Variants in CCDC50 observed in about 807,000 individuals in gnomAD.
CCDC50 encodes the protein coiled-coil domain-containing protein 50.
A neutral mutation model predicts 70.2 loss-of-function variants in CCDC50; 54 were observed. The ratio of observed to expected loss-of-function variants is 0.77; its 90% CI spans 0.62 to 0.96. The LOEUF (loss-of-function observed/expected upper bound fraction) is 0.96, where lower values mean the gene tolerates loss of function less well. Among genes scored for constraint, CCDC50 ranks in the 50% least tolerant of loss-of-function variants. The probability of loss-of-function intolerance (pLI) is 0.00; values close to 1 mark genes in which losing one functional copy is unlikely to be tolerated. For missense variants in CCDC50, 558 were observed against 578.7 expected, an observed-to-expected ratio of 0.96 and a Z score of 0.37; for synonymous variants, 216 against 198.8, an observed-to-expected ratio of 1.09 and a Z score of -0.73.
At chr3:191,345,817 C>G (rs1452968817) in intron 1 of CCDC50, among the ~76,000 whole-genome samples, 1 of 152,120 alleles carries the variant, frequency 6.6e-6, no homozygotes, top group Non-Finnish European at 1.5e-5. Flanking sequence ...TTTTACTTTT[C>G]AGAATGATTC....
intron 4 of CCDC50, 92 bp downstream of exon 4, chr3:191,361,251 G>C: frequency 1.1e-6 from 1 of 883,134 alleles, no homozygotes; most frequent in Non-Finnish European, 1.9e-6. Context: ...CTCAATGAAG[G>C]GTTTCTGAAT....
intron 10 of CCDC50, among the ~76,000 whole-genome samples, chr3:191,386,754 G>C (rs986424883): frequency 2.0e-5 from 3 of 152,078 alleles, no homozygotes; most frequent in African/African-American, 7.2e-5. Flanking sequence ...AAAATACTTA[G>C]GAATACTTCT....
chr3:191,339,403 A>T (rs991657807), intron 1 of CCDC50, among the ~76,000 whole-genome samples: 5 of 152,214 alleles, frequency 3.3e-5, no homozygotes, highest in Non-Finnish European at 7.4e-5. Context: ...ATATAAAAAA[A>T]GTGAGGCAAG....
intron 10 of CCDC50, among the ~76,000 whole-genome samples, chr3:191,386,007 A>G (rs1230497262): frequency 6.6e-6 from 1 of 152,082 alleles, no homozygotes. Flanking sequence ...TACCAATACC[A>G]TGCTTTTTTG....
intron 10 of CCDC50, among the ~76,000 whole-genome samples, chr3:191,385,791 A>AT (rs1360399768): frequency 2.0e-5 from 3 of 151,982 alleles, no homozygotes; most frequent in Non-Finnish European, 4.4e-5. Flanking sequence ...AAGGTCTTGA[A>AT]TTTTTTGTAT....
At chr3:191,384,485 T>C (rs1713423242) in intron 10 of CCDC50, among the ~76,000 whole-genome samples, 1 of 152,152 alleles carries the variant, frequency 6.6e-6, no homozygotes, top group African/African-American at 2.4e-5. Context: ...GTTTCAAGGA[T>C]TGAAAAACAT....
intron 4 of CCDC50, among the ~76,000 whole-genome samples, chr3:191,364,611 T>A (rs1355044854): frequency 6.6e-6 from 1 of 152,010 alleles, no homozygotes; most frequent in East Asian, 1.9e-4. Flanking sequence ...TAATTTTTTC[T>A]GAACAACATT....
At chr3:191,330,177 C>G (rs4677629) in intron 1 of CCDC50, among the ~76,000 whole-genome samples, 47,585 of 151,986 alleles carry the variant, frequency 0.31, 8,165 homozygotes, top group East Asian at 0.7. Context: ...TCTCTCCCTA[C>G]TTTTCCTAGG....
rs112961570 is a variant in CCDC50 at position 191,329,971 on chromosome 3, A to G, written c.49+248A>G. ...GGGGGGGGGGGCTAGCAGCAGCCCC[A>G]GCAAGTAGGTGGCTGTGCCCGTGTT... is the stretch of plus-strand genomic sequence containing the variant. On this transcript the variant is annotated intron_variant, in intron 1 of 11. Transcript: ENST00000392455. 0.031 allele frequency among the ~76,000 whole-genome samples: 4,219 copies of G among 134,700 alleles called. 228 individuals carry two copies. The highest frequency in any genetic ancestry group is 0.11 in the African/African-American group (4,011 of 37,878). 88.4% of individuals were successfully genotyped at this position (134,700 alleles called of 152,430 possible). A position where few individuals can be genotyped will look rare whatever the true frequency, so the allele number is the denominator to read the frequency against.
At chr3:191,357,286 T>C (rs934159832) in intron 2 of CCDC50, 136 bp downstream of exon 2, 17 of 737,094 alleles carry the variant, frequency 2.3e-5, no homozygotes, top group Non-Finnish European at 4.1e-5. Context: ...AGGATTTCTT[T>C]AGGCAAATGA....
At position 191,380,241 on chromosome 3, in the gene CCDC50, A is replaced by G; in HGVS notation, c.1059A>G (p.Glu353=). The change falls in exon 7 of 12, where the codon GAA becomes GAG. Residue 353 remains glutamate, a synonymous_variant. Coordinates refer to ENST00000392455, the MANE Select transcript of CCDC50 (RefSeq NM_178335.3). ...GGGATCAGGAATGGTATGATGCTGA[A>G]ATTGCCAGAAAACTGCAAGAAGAAG... ...AHRDQEWYDA[E]IARKLQEEEL... The G allele has an allele frequency of 1.2e-6, 2 of 1,612,964 alleles. No homozygotes were observed. Among genetic ancestry groups the G allele is most frequent in the South Asian group, 2.2e-5 (2 of 91,048 alleles).
At chr3:191,337,086 A>T (rs532390872) in intron 1 of CCDC50, among the ~76,000 whole-genome samples, 2 of 152,116 alleles carry the variant, frequency 1.3e-5, no homozygotes, top group Non-Finnish European at 2.9e-5. Context: ...CTGCTTACAT[A>T]CTGTAGAGGC....
chr3:191,330,328 C>CACACAA (rs1491569698), intron 1 of CCDC50: 47 of 146,918 alleles, frequency 3.2e-4, no homozygotes, highest in African/African-American at 1.2e-3. Context: ...CACACACACA[C>CACACAA]AATAGTGAGC....
At chr3:191,347,813 G>C (rs1711976085) in intron 1 of CCDC50, among the ~76,000 whole-genome samples, 1 of 142,362 alleles carries the variant, frequency 7.0e-6, no homozygotes, top group South Asian at 2.2e-4. Flanking sequence ...AGATAAGCTG[G>C]AGGATGTGGA....
At chr3:191,380,016 G>T in intron 6 of CCDC50, 143 bp from the exon 7 acceptor site, 1 of 621,892 alleles carries the variant, frequency 1.6e-6, no homozygotes, top group South Asian at 2.1e-5. Context: ...TATTTTTAAT[G>T]CACCCCACAC....
chr3:191,371,022 G>A (rs1576966669), intron 5 of CCDC50, among the ~76,000 whole-genome samples: 1 of 152,098 alleles, frequency 6.6e-6, no homozygotes, highest in East Asian at 1.9e-4. Context: ...GAAGAAAGAA[G>A]GTATACCATG....
At chr3:191,355,844 A>C (rs1712260000) in intron 1 of CCDC50, among the ~76,000 whole-genome samples, 1 of 152,186 alleles carries the variant, frequency 6.6e-6, no homozygotes, top group South Asian at 2.1e-4. Flanking sequence ...TTATTCCTCC[A>C]TTATAAAACC....
chr3:191,383,170 C>T (rs953861606), intron 10 of CCDC50, among the ~76,000 whole-genome samples: 6 of 151,874 alleles, frequency 4.0e-5, no homozygotes, highest in Non-Finnish European at 5.9e-5. Context: ...AAATATTTAC[C>T]GGGTTTCATA....
At chr3:191,345,049 G>T (rs922182295) in intron 1 of CCDC50, among the ~76,000 whole-genome samples, 2 of 152,172 alleles carry the variant, frequency 1.3e-5, no homozygotes, top group Non-Finnish European at 2.9e-5. Flanking sequence ...GAATCAATTT[G>T]ATGGGCACTC....
Sources: gnomAD v4.1 joint callset for allele counts (sites outside exome capture counted in the v4.1 genomes callset) on GRCh38, gnomAD v4.1.1 for gene constraint, MANE v1.5 for transcripts, NCBI Gene and HGNC (gene_info 2026-07-23, HGNC 2026-07-21) for gene names.